Variants in ZNF618 observed in about 807,000 individuals in gnomAD.
ZNF618 encodes neural precursor cell expressed, developmentally down-regulated 10.
ZNF618 carries 34 observed loss-of-function variants against 103.0 expected under a neutral mutation model. The observed-to-expected ratio is 0.33, with a 90% CI of 0.25 to 0.44. The LOEUF (loss-of-function observed/expected upper bound fraction) is 0.44, where lower values mean the gene tolerates loss of function less well. Among genes scored for constraint, ZNF618 ranks in the 20% least tolerant of loss-of-function variants. ZNF618 has a pLI of 1.00. For synonymous variants in ZNF618, 551 were observed against 542.2 expected, an observed-to-expected ratio of 1.02 and a Z score of -0.23; for missense variants, 1,059 against 1,295.4, an observed-to-expected ratio of 0.82 and a Z score of 2.80.
intron 13 of ZNF618, among the ~76,000 whole-genome samples, chr9:114,047,145 G>A (rs537334628): frequency 6.6e-6 from 1 of 152,172 alleles, no homozygotes; most frequent in South Asian, 2.1e-4. Context: ...GAGTAACCAT[G>A]CATCCAGGAG....
intron 3 of ZNF618, among the ~76,000 whole-genome samples, chr9:113,996,340 C>T (rs925866485): frequency 1.3e-5 from 2 of 152,214 alleles, no homozygotes; most frequent in African/African-American, 4.8e-5. Flanking sequence ...TCTGTCCCTA[C>T]CCTTGCGTTT....
chr9:113,999,949 T>C (rs1266627102), intron 4 of ZNF618, among the ~76,000 whole-genome samples: 2 of 152,192 alleles, frequency 1.3e-5, no homozygotes, highest in Non-Finnish European at 2.9e-5. Context: ...GCATTATTAC[T>C]CAGTGACAGA....
At chr9:114,034,789 G>T (rs913970968) in intron 12 of ZNF618, among the ~76,000 whole-genome samples, 8 of 152,236 alleles carry the variant, frequency 5.3e-5, no homozygotes, top group African/African-American at 1.7e-4. Context: ...CTTGGTGGCT[G>T]CTCTGGTGTT....
At chr9:113,959,228 G>C (rs553339617) in intron 1 of ZNF618, among the ~76,000 whole-genome samples, 1 of 152,014 alleles carries the variant, frequency 6.6e-6, no homozygotes, top group East Asian at 1.9e-4. Flanking sequence ...TGGAGGTTGC[G>C]GTGAGCCGAG....
intron 2 of ZNF618, among the ~76,000 whole-genome samples, chr9:113,974,516 G>A (rs964046753): frequency 4.6e-5 from 7 of 152,206 alleles, no homozygotes; most frequent in African/African-American, 1.4e-4. Flanking sequence ...AGGATGAGAT[G>A]TGATGATAGG....
chr9:113,879,263 C>G (rs998501074), intron 1 of ZNF618, among the ~76,000 whole-genome samples: 3 of 151,874 alleles, frequency 2.0e-5, no homozygotes, highest in Non-Finnish European at 4.4e-5. Flanking sequence ...CAGCACGTCC[C>G]TTTGTGTGGC....
At position 113,938,255 on chromosome 9, in the gene ZNF618, A is replaced by AATC. The variant is rs1318891199; in HGVS notation, c.34-30860_34-30858dup. On this transcript the variant is annotated intron_variant, in intron 1 of 14. Transcript: ENST00000374126. Reference sequence around the variant, plus strand: ...CATGATCATAGCTCACTGCAGCCTCAATCAAACTCCTGGTCTCCAGTGATT... The same window carrying AATC: ...CATGATCATAGCTCACTGCAGCCTCAATCATCAAACTCCTGGTCTCCAGTGATT... Among the ~76,000 whole-genome samples the AATC allele has an allele frequency of 7.2e-5, 10 of 139,702 alleles. No individual in the cohort carries two copies. In the Admixed American group the frequency reaches 8.0e-4, roughly 11 times the overall value. 91.6% of individuals were successfully genotyped at this position (139,702 alleles called of 152,430 possible). A position where few individuals can be genotyped will look rare whatever the true frequency, so the allele number is the denominator to read the frequency against.
intron 1 of ZNF618, among the ~76,000 whole-genome samples, chr9:113,945,318 C>T (rs1834915341): frequency 2.0e-5 from 3 of 152,208 alleles, no homozygotes; most frequent in Admixed American, 2.0e-4. Context: ...CAACTCCAGA[C>T]TAGATTGTTG....
chr9:114,047,809 A>T, intron 13 of ZNF618, 84 bp from the exon 14 acceptor site: 1 of 1,198,474 alleles, frequency 8.3e-7, no homozygotes, highest in Non-Finnish European at 1.2e-6. Flanking sequence ...TTCTGCTGTT[A>T]CCCACCACAC....
intron 11 of ZNF618, among the ~76,000 whole-genome samples, chr9:114,030,461 A>G (rs1843916167): frequency 6.6e-6 from 1 of 152,116 alleles, no homozygotes; most frequent in African/African-American, 2.4e-5. Context: ...GGGAGTTTTT[A>G]TGCCTGCGGT....
intron 1 of ZNF618, among the ~76,000 whole-genome samples, chr9:113,879,559 A>G (rs1828313092): frequency 1.3e-5 from 2 of 151,500 alleles, no homozygotes; most frequent in African/African-American, 4.9e-5. Flanking sequence ...CTCACCTCCT[A>G]TTTTAGGTGG....
At chr9:113,939,966 T>C (rs1225286537) in intron 1 of ZNF618, among the ~76,000 whole-genome samples, 1 of 152,146 alleles carries the variant, frequency 6.6e-6, no homozygotes, top group Non-Finnish European at 1.5e-5. Flanking sequence ...AACTTCTGTT[T>C]ATTTTTATTC....
intron 13 of ZNF618, among the ~76,000 whole-genome samples, chr9:114,038,413 A>T (rs1234151218): frequency 1.3e-5 from 2 of 152,228 alleles, no homozygotes; most frequent in African/African-American, 4.8e-5. Flanking sequence ...GCGCAGCCAG[A>T]GAATGCCTGG....
intron 10 of ZNF618, among the ~76,000 whole-genome samples, chr9:114,021,051 A>T (rs1317722047): frequency 6.6e-6 from 1 of 151,806 alleles, no homozygotes; most frequent in Non-Finnish European, 1.5e-5. Flanking sequence ...GTGGATTCTT[A>T]TATTCTCTTT....
At chr9:114,040,560 T>G (rs1323974751) in intron 13 of ZNF618, among the ~76,000 whole-genome samples, 3 of 152,206 alleles carry the variant, frequency 2.0e-5, no homozygotes, top group Non-Finnish European at 4.4e-5. Context: ...AATTCCCACC[T>G]ATGAGTGAGA....
At chr9:113,998,475 A>G in intron 4 of ZNF618, 121 bp downstream of exon 4, 1 of 837,370 alleles carries the variant, frequency 1.2e-6, no homozygotes, top group African/African-American at 1.7e-5. Flanking sequence ...CAGGGTCAAG[A>G]GGGGCCACCT....
intron 12 of ZNF618, among the ~76,000 whole-genome samples, chr9:114,033,389 A>AGAGAGAG (rs1844272832): frequency 5.4e-5 from 8 of 147,060 alleles, no homozygotes; most frequent in Admixed American, 4.8e-4. Flanking sequence ...CTGTCTCAAA[A>AGAGAGAG]AGAGAGAGAG....
rs1310603403 is a variant in ZNF618, at chr9:114,049,589, A to G, written c.2287A>G (p.Thr763Ala). The change falls in exon 15 of 15, where the codon ACC becomes GCC. Residue 763 changes from threonine to alanine, a missense_variant. Around this residue, in one of 6 missense-constraint regions of ZNF618, gnomAD observed 272 missense variants for 380.1 expected, o/e 0.72. Transcript: ENST00000374126. ...SQPTLQLVLP[T>A]YVRLEKLFTA... Reference sequence around the variant, plus strand: ...GCCCACCCTGCAGCTGGTGCTGCCCACCTACGTCAGGCTGGAGAAGCTGTT... The same window carrying G: ...GCCCACCCTGCAGCTGGTGCTGCCCGCCTACGTCAGGCTGGAGAAGCTGTT... The G allele has an allele frequency of 5.0e-6, 8 of 1,613,726 alleles. No homozygotes were observed. In the Admixed American group the frequency reaches 1.3e-4, roughly 27 times the overall value.
chr9:113,903,687 C>T (rs993826667), intron 1 of ZNF618, among the ~76,000 whole-genome samples: 2 of 152,060 alleles, frequency 1.3e-5, no homozygotes, highest in Non-Finnish European at 2.9e-5. Context: ...TTTTTGCTAG[C>T]TATAGAATTC....
Sources: allele counts gnomAD v4.1 joint callset (sites outside exome capture counted in the v4.1 genomes callset), GRCh38; gene constraint gnomAD v4.1.1; regional missense constraint gnomAD v4.1.1; transcripts MANE v1.5; gene names NCBI Gene and HGNC (gene_info 2026-07-23, HGNC 2026-07-21).